Variants in CXCL13 observed in about 807,000 individuals in gnomAD.
CXCL13 encodes the protein C-X-C motif chemokine 13.
Under a neutral mutation model 12.2 loss-of-function variants are expected in CXCL13, and 7 were observed. That is an observed-to-expected ratio of 0.57 (90% CI 0.33 to 1.07). The LOEUF is 1.07. Among genes scored for constraint, CXCL13 ranks in the 50% least tolerant of loss-of-function variants. The pLI is 0.04. For missense variants in CXCL13, 113 were observed against 127.4 expected (o/e 0.89, Z 0.55); for synonymous variants, 47 against 42.4 (o/e 1.11, Z -0.42).
intron 1 of CXCL13, among the ~76,000 whole-genome samples, chr4:77,594,678 A>G (rs986158315): frequency 6.6e-6 from 1 of 151,916 alleles, no homozygotes; most frequent in African/African-American, 2.4e-5. Flanking sequence ...CAACAACCTC[A>G]TTTTGGTGGT....
chr4:77,565,611 G>A (rs926982693), intron 1 of CXCL13, among the ~76,000 whole-genome samples: 2 of 152,148 alleles, frequency 1.3e-5, no homozygotes, highest in Admixed American at 6.5e-5. Flanking sequence ...AGAATTAATT[G>A]TTCTTTCCTC....
chr4:77,543,417 TG>T (rs1242090248), intron 1 of CXCL13, among the ~76,000 whole-genome samples: 3 of 152,114 alleles, frequency 2.0e-5, no homozygotes, highest in Admixed American at 2.0e-4. Context: ...AGCTCATTCT[TG>T]TTTTTATTAT....
chr4:77,537,849 C>A (rs192925189), intron 1 of CXCL13, among the ~76,000 whole-genome samples: 1 of 152,264 alleles, frequency 6.6e-6, no homozygotes, highest in Admixed American at 6.5e-5. Context: ...CCAACCCAAG[C>A]ATTTTCTCCT....
chr4:77,606,762 T>C (rs1367639107), intron 1 of CXCL13, among the ~76,000 whole-genome samples: 3 of 152,206 alleles, frequency 2.0e-5, no homozygotes, highest in Non-Finnish European at 2.9e-5. Flanking sequence ...TTTTAGTTTT[T>C]GTTTGCTTGT....
At chr4:77,529,825 G>C (rs941590823) in intron 1 of CXCL13, among the ~76,000 whole-genome samples, 1 of 152,176 alleles carries the variant, frequency 6.6e-6, no homozygotes, top group East Asian at 1.9e-4. Flanking sequence ...GAATAGGAGT[G>C]GTGAGAGAGG....
At chr4:77,594,904 G>C (rs978097659) in intron 1 of CXCL13, among the ~76,000 whole-genome samples, 2 of 151,628 alleles carry the variant, frequency 1.3e-5, no homozygotes, top group Non-Finnish European at 2.9e-5. Flanking sequence ...ATGTATCCCA[G>C]AACTTAAAAT....
chr4:77,535,012 A>C (rs1725025162), intron 1 of CXCL13, among the ~76,000 whole-genome samples: 1 of 152,228 alleles, frequency 6.6e-6, no homozygotes. Context: ...CAGCAAGATT[A>C]CTGGAATTAC....
At chr4:77,609,766 G>A (rs190958335) in intron 2 of CXCL13, among the ~76,000 whole-genome samples, 2 of 152,306 alleles carry the variant, frequency 1.3e-5, no homozygotes, top group East Asian at 1.9e-4. Flanking sequence ...CTGGCACTTG[G>A]TAATCACTCA....
rs145027693 is a variant in CXCL13 at position 77,577,624 on chromosome 4, G to T, written c.-42-28200G>T. On this transcript the variant is annotated intron_variant, in intron 1 of 4. Transcript: ENST00000286758. ...AGGTAGGACGTACATGGGTCAGAGT[G>T]GATATTCCCACCACCTAGGCCTTTC... Among the ~76,000 whole-genome samples the T allele has an allele frequency of 3.5e-3, 537 of 152,254 alleles. 3 individuals carry two copies. Among genetic ancestry groups the T allele is most frequent in the African/African-American group, 0.012 (513 of 41,542 alleles).
chr4:77,556,541 T>C (rs931493289), intron 1 of CXCL13, among the ~76,000 whole-genome samples: 1 of 152,182 alleles, frequency 6.6e-6, no homozygotes, highest in African/African-American at 2.4e-5. Context: ...CACAAATGTA[T>C]ACATGTGTCA....
At chr4:77,522,113 G>C (rs1208356293) in intron 1 of CXCL13, among the ~76,000 whole-genome samples, 1 of 152,180 alleles carries the variant, frequency 6.6e-6, no homozygotes, top group Non-Finnish European at 1.5e-5. Flanking sequence ...ATTTGCTGAG[G>C]AGTGCTTTAC....
intron 1 of CXCL13, among the ~76,000 whole-genome samples, chr4:77,582,998 A>C (rs1279748779): frequency 6.6e-6 from 1 of 152,190 alleles, no homozygotes; most frequent in Non-Finnish European, 1.5e-5. Context: ...ATGCCATTAT[A>C]ATAGTCATGC....
intron 1 of CXCL13, among the ~76,000 whole-genome samples, chr4:77,568,923 G>C (rs749548302): frequency 6.6e-5 from 10 of 152,080 alleles, no homozygotes; most frequent in Admixed American, 2.0e-4. Context: ...CTTTGCTATA[G>C]GAGGTGAAAA....
chr4:77,568,836 C>T (rs1277975777), intron 1 of CXCL13, among the ~76,000 whole-genome samples: 1 of 152,166 alleles, frequency 6.6e-6, no homozygotes, highest in African/African-American at 2.4e-5. Flanking sequence ...TTAGTTTTGC[C>T]TTTCCTTGTT....
chr4:77,600,562 T>C (rs1029498887), intron 1 of CXCL13, among the ~76,000 whole-genome samples: 2 of 152,356 alleles, frequency 1.3e-5, no homozygotes, highest in South Asian at 2.1e-4. Flanking sequence ...TGATGACATA[T>C]GATTACATTA....
intron 1 of CXCL13, among the ~76,000 whole-genome samples, chr4:77,589,543 T>C (rs951388307): frequency 6.6e-6 from 1 of 151,788 alleles, no homozygotes; most frequent in Non-Finnish European, 1.5e-5. Context: ...TGTAGGCAGG[T>C]ATGTATGTAT....
At chr4:77,586,307 T>A (rs1726457239) in intron 1 of CXCL13, among the ~76,000 whole-genome samples, 1 of 152,024 alleles carries the variant, frequency 6.6e-6, no homozygotes, top group African/African-American at 2.4e-5. Context: ...AAATCACATG[T>A]AAAAAATATT....
At chr4:77,548,194 G>T (rs539331952) in intron 1 of CXCL13, among the ~76,000 whole-genome samples, 1 of 152,178 alleles carries the variant, frequency 6.6e-6, no homozygotes, top group Non-Finnish European at 1.5e-5. Flanking sequence ...TTCAGGCCAG[G>T]CCAGGAGGAG....
intron 1 of CXCL13, among the ~76,000 whole-genome samples, chr4:77,544,592 T>G (rs1281211469): frequency 6.6e-6 from 1 of 152,238 alleles, no homozygotes; most frequent in Non-Finnish European, 1.5e-5. Flanking sequence ...TTGATGGGGT[T>G]GTTTGATTTT....
Sources: allele counts gnomAD v4.1 joint callset (sites outside exome capture counted in the v4.1 genomes callset), GRCh38; gene constraint gnomAD v4.1.1; transcripts MANE v1.5; gene names NCBI Gene and HGNC (gene_info 2026-07-23, HGNC 2026-07-21).